THSD1: variants seen among roughly 807,000 people sequenced by gnomAD.
THSD1 encodes the protein thrombospondin type 1 domain containing 1.
In THSD1, 34 loss-of-function variants were observed where a neutral mutation model predicts 46.3. The ratio of observed to expected loss-of-function variants is 0.74; its 90% confidence interval spans 0.56 to 0.98. The LOEUF is 0.98. Among genes scored for constraint, THSD1 ranks in the 50% least tolerant of loss-of-function variants. The probability of loss-of-function intolerance (pLI) is 0.00; values close to 1 mark genes in which losing one functional copy is unlikely to be tolerated. For missense variants in THSD1, 1,023 were observed against 1,058.3 expected, an observed-to-expected ratio of 0.97 and a Z score of 0.46; for synonymous variants, 407 against 416.5, an observed-to-expected ratio of 0.98 and a Z score of 0.28.
chr13:52,387,616 C>T (rs538332838), intron 3 of THSD1, among the ~76,000 whole-genome samples: 12 of 152,204 alleles, frequency 7.9e-5, no homozygotes, highest in African/African-American at 2.6e-4. Context: ...TGGAAAATTT[C>T]ATCAGACTGT....
chr13:52,398,959 C>T (rs567879920), intron 2 of THSD1, among the ~76,000 whole-genome samples: 1 of 152,314 alleles, frequency 6.6e-6, no homozygotes, highest in East Asian at 1.9e-4. Context: ...ATATTCAAGA[C>T]AAGCACTGGG....
Position 52,397,356 on chromosome 13 carries a change from C to A in THSD1, c.897G>T (p.Arg299Ser). Residue 299 changes from arginine to serine, a missense_variant, in exon 3 of 5, where the codon AGG becomes AGT. Transcript: ENST00000258613. ...LAENSLPLGE[R>S]RTIFNCTLFD... ...ACAAAGTACAGTTAAAAATTGTCCT[C>A]CTCTCTCCCAGGGGCAGGCTGTTTT... 1 of 1,614,128 alleles carries A rather than the reference C, an allele frequency of 6.2e-7. No homozygotes were observed. Among genetic ancestry groups the A allele is most frequent in the Non-Finnish European group, 8.5e-7 (1 of 1,180,032 alleles).
rs543944439 is a variant in THSD1, at chr13:52,387,235, C to G, written c.1022-1049G>C. 2.1e-3 allele frequency among the ~76,000 whole-genome samples: 324 copies of G among 152,206 alleles called. 2 individuals are homozygous for G. The highest frequency in any genetic ancestry group is 7.7e-3 in the African/African-American group (318 of 41,540). ...CCTTCCCTAAACACAAAATAACACT[C>G]AAAAAATGTCAAATGTGATAAGCAC... On this transcript the variant is annotated intron_variant, in intron 3 of 4. Coordinates refer to ENST00000258613, the MANE Select transcript of THSD1 (RefSeq NM_018676.4).
rs1566957741 is a variant in THSD1, at chr13:52,377,699, G to A, written c.2271C>T (p.His757=). 6.2e-7 allele frequency: 1 copy of A among 1,611,724 alleles called. No homozygotes were observed. Among genetic ancestry groups the A allele is most frequent in the South Asian group, 1.1e-5 (1 of 90,920 alleles). ...LVAGIERTEP[H]RARRGPSPSH... ...TGGGGGACGGTCCCCGACGAGCTCT[G>A]TGGGGCTCTGTTCTCTCAATTCCGG... The change falls in exon 5 of 5, where the codon CAC becomes CAT. Residue 757 remains histidine (H), a synonymous_variant. Transcript: ENST00000258613.
chr13:52,385,070 T>C (rs2137729474), intron 4 of THSD1, among the ~76,000 whole-genome samples: 1 of 152,258 alleles, frequency 6.6e-6, no homozygotes, highest in African/African-American at 2.4e-5. Flanking sequence ...CTGGCTGAGA[T>C]GTTGCCAGGT....
At chr13:52,380,532 C>T (rs541826243) in intron 4 of THSD1, among the ~76,000 whole-genome samples, 18 of 150,536 alleles carry the variant, frequency 1.2e-4, no homozygotes, top group Admixed American at 1.2e-3. Context: ...TTTTCTTTTC[C>T]ACCTCCTGGG....
chr13:52,404,792 AT>A (rs1008852468), intron 1 of THSD1, among the ~76,000 whole-genome samples: 2 of 152,152 alleles, frequency 1.3e-5, no homozygotes, highest in Non-Finnish European at 2.9e-5. Flanking sequence ...CGACAATAAC[AT>A]TTTTATTTTT....
intron 3 of THSD1, among the ~76,000 whole-genome samples, chr13:52,394,480 G>A (rs536336155): frequency 3.5e-4 from 53 of 152,068 alleles, no homozygotes; most frequent in Non-Finnish European, 6.9e-4. Context: ...CAGGCATGGT[G>A]GGGCGCATCT....
At chr13:52,398,219 T>G (rs1284343759) in intron 2 of THSD1, 25 bp from the exon 3 acceptor site, 2 of 1,585,572 alleles carry the variant, frequency 1.3e-6, no homozygotes, top group South Asian at 2.3e-5. Context: ...TCAGAATTGG[T>G]TTTTAAAAGG....
At chr13:52,379,996 T>C (rs1344457919) in intron 4 of THSD1, among the ~76,000 whole-genome samples, 3 of 152,178 alleles carry the variant, frequency 2.0e-5, no homozygotes, top group Non-Finnish European at 4.4e-5. Context: ...CCTTCTATTA[T>C]CCAGAAATTG....
rs555947515 is a variant in THSD1, at chr13:52,378,948, C to T, written c.1181-159G>A. Among the ~76,000 whole-genome samples, 6 of 148,876 alleles carry T rather than the reference C, an allele frequency of 4.0e-5. 1 individual carries two copies. The South Asian group carries it at 6.5e-4, about 16-fold the overall frequency. ...TGTGATCTCGGCTCATTGCAACCTC[C>T]GCCTCCCAGGCTCAAACAATTCTCC... On this transcript the variant is annotated intron_variant, in intron 4 of 4. Transcript: ENST00000258613.
At position 52,378,268 on chromosome 13, in the gene THSD1, G is replaced by A. The variant is rs772455970; in HGVS notation, c.1702C>T (p.Pro568Ser). 3.1e-6 allele frequency: 5 copies of A among 1,614,214 alleles called. No individual in the cohort carries two copies. In the South Asian group the frequency reaches 3.3e-5, roughly 11 times the overall value. ...CTTTCCAAATCTAAGGGAGCGCTGGGGGCCGCATCAATGGCAGTGTCTGTC... is the reference window on the plus strand; with the variant it reads ...CTTTCCAAATCTAAGGGAGCGCTGGAGGCCGCATCAATGGCAGTGTCTGTC... Reference protein sequence around the residue: ...PLTDTAIDAAPSAPLDLESPE... With the variant: ...PLTDTAIDAASSAPLDLESPE... Residue 568 changes from proline (P) to serine (S), a missense_variant, in exon 5 of 5, where the codon CCC (proline) becomes TCC (serine). By Grantham distance (74) the Pro-to-Ser change is moderately conservative. Transcript: ENST00000258613.
At position 52,389,576 on chromosome 13, in the gene THSD1, A is replaced by C. The variant is rs74085758; in HGVS notation, c.1022-3390T>G. Among the ~76,000 whole-genome samples the C allele has an allele frequency of 6.8e-3, 1,041 of 152,224 alleles. 18 individuals carry two copies. Among genetic ancestry groups the C allele is most frequent in the African/African-American group, 0.024 (996 of 41,538 alleles). On this transcript the variant is annotated intron_variant, in intron 3 of 4. Transcript: ENST00000258613. Reference sequence around the variant, plus strand: ...ACGGAAGATATGCCTTATGAACACTAATCAAAAGAAAACTAGAGTAACTAC... The same window carrying C: ...ACGGAAGATATGCCTTATGAACACTCATCAAAAGAAAACTAGAGTAACTAC...
chr13:52,397,651 C>A lies in THSD1; in HGVS notation c.602G>T (p.Trp201Leu). 6.2e-7 allele frequency: 1 copy of A among 1,614,224 alleles called. No homozygotes were observed. The highest frequency in any genetic ancestry group is 8.5e-7 in the Non-Finnish European group (1 of 1,180,050). ...CAAGGGTGCACAGCCAAACTCAACC[C>A]ACTGACCTTGAGCAAGTTCTGTCCT... ...SKRTELAQGQ[W>L]VEFGCAPLGP... is the part of the protein sequence containing the mutation. The change falls in exon 3 of 5, where the codon TGG becomes TTG. Residue 201 changes from tryptophan (W) to leucine (L), a missense_variant. Transcript: ENST00000258613.
Position 52,378,299 on chromosome 13 carries a change from A to G in THSD1, c.1671T>C (p.Ser557=), listed in dbSNP as rs759598938. The change falls in exon 5 of 5, where the codon AGT becomes AGC. Residue 557 remains serine (S), a synonymous_variant. Transcript: ENST00000258613. ...CATCAATGGCAGTGTCTGTCAGGGG[A>G]CTCTGAGACACGTGATACACTTTGG... ...ETTKVYHVSQ[S]PLTDTAIDAA... 5 of 1,613,760 alleles carry G rather than the reference A, an allele frequency of 3.1e-6. No homozygotes were observed. The highest frequency in any genetic ancestry group is 4.2e-6 in the Non-Finnish European group (5 of 1,179,960).
At chr13:52,379,011 C>G (rs971218524) in intron 4 of THSD1, among the ~76,000 whole-genome samples, 11 of 151,734 alleles carry the variant, frequency 7.2e-5, no homozygotes, top group Non-Finnish European at 1.3e-4. Flanking sequence ...TACAGGCATG[C>G]ACCACCACGC....
Position 52,378,245 on chromosome 13 carries a change from T to C in THSD1, c.1725A>G (p.Glu575=). ...TGTTTGCTGCAGCTTCTTCCGGGCT[T>C]TCCAAATCTAAGGGAGCGCTGGGGG... ...DAAPSAPLDL[E]SPEEAAANKF... is the part of the protein sequence containing the mutation. The change falls in exon 5 of 5, where the codon GAA becomes GAG. Residue 575 remains glutamate, a synonymous_variant. Coordinates refer to ENST00000258613, the MANE Select transcript of THSD1 (RefSeq NM_018676.4). The C allele has an allele frequency of 1.2e-6, 2 of 1,614,218 alleles. No homozygotes were observed. Among genetic ancestry groups the C allele is most frequent in the Middle Eastern group, 1.6e-4 (1 of 6,062 alleles).
At chr13:52,402,387 G>A (rs1012909582) in intron 2 of THSD1, among the ~76,000 whole-genome samples, 156 bp downstream of exon 2, 1 of 152,106 alleles carries the variant, frequency 6.6e-6, no homozygotes, top group African/African-American at 2.4e-5. Context: ...TGAAGCATAA[G>A]AGAACCCAGG....
In THSD1 at chr13:52,378,564, C is replaced by G; in HGVS notation, c.1406G>C (p.Cys469Ser). The change falls in exon 5 of 5, where the codon TGC becomes TCC. Residue 469 changes from cysteine (C) to serine (S), a missense_variant. Cys to Ser is a moderately radical substitution (Grantham distance 112). Around this residue, in one of 3 missense-constraint regions of THSD1, gnomAD observed 578 missense variants for 497.4 expected, o/e 1.16. Transcript: ENST00000258613. ...FRKNSDEENICELSEQRGSFS... is the reference protein window; with the variant it reads ...FRKNSDEENISELSEQRGSFS... ...GCTCCCGCGCTGCTCGCTCAGCTCG[C>G]AGATATTCTCCTCGTCCGAGTTCTT... 6 of 1,614,184 alleles carry G rather than the reference C, an allele frequency of 3.7e-6. No individual in the cohort carries two copies. Among genetic ancestry groups the G allele is most frequent in the Non-Finnish European group, 5.1e-6 (6 of 1,180,050 alleles).
Sources: allele counts gnomAD v4.1 joint callset (sites outside exome capture counted in the v4.1 genomes callset), GRCh38; gene constraint gnomAD v4.1.1; regional missense constraint gnomAD v4.1.1; transcripts MANE v1.5; gene names NCBI Gene and HGNC (gene_info 2026-07-23, HGNC 2026-07-21).